The following TTLL9 variants were observed in gnomAD, a reference collection of about 807,000 sequenced individuals.
The protein encoded by TTLL9 is tubulin tyrosine ligase like 9.
Under a neutral mutation model 65.6 loss-of-function variants are expected in TTLL9, and 47 were observed. The observed-to-expected ratio is 0.72, with a 90% CI of 0.57 to 0.91. TTLL9 has a LOEUF of 0.91. Among genes scored for constraint, TTLL9 ranks in the 40% least tolerant of loss-of-function variants. TTLL9 has a pLI of 0.00. For missense variants in TTLL9, 537 were observed against 568.8 expected, an observed-to-expected ratio of 0.94 and a Z score of 0.57; for synonymous variants, 179 against 204.8, an observed-to-expected ratio of 0.87 and a Z score of 1.07.
Position 31,872,620 on chromosome 20 carries a change from G to A in TTLL9, c.69+1425G>A, listed in dbSNP as rs1281984922. 2.0e-5 allele frequency among the ~76,000 whole-genome samples: 3 copies of A among 152,176 alleles called. No homozygotes were observed. In the East Asian group the frequency reaches 5.8e-4, roughly 29 times the overall value. On this transcript the variant is annotated intron_variant, in intron 2 of 14. Transcript: ENST00000535842. Reference sequence around the variant, plus strand: ...GGAGGAGGATCACTTGAGCCCAGGCGGTGGAGGCTGCAGTGAGCCATGAGC... The same window carrying A: ...GGAGGAGGATCACTTGAGCCCAGGCAGTGGAGGCTGCAGTGAGCCATGAGC...
chr20:31,893,978 A>G (rs905811396), intron 3 of TTLL9, among the ~76,000 whole-genome samples: 6 of 152,038 alleles, frequency 3.9e-5, no homozygotes, highest in Non-Finnish European at 5.9e-5. Context: ...AACAATTTCA[A>G]TTAGACTGTT....
At chr20:31,926,260 C>G (rs1369840192) in intron 10 of TTLL9, among the ~76,000 whole-genome samples, 169 bp downstream of exon 10, 2 of 152,228 alleles carry the variant, frequency 1.3e-5, no homozygotes, top group Non-Finnish European at 2.9e-5. Flanking sequence ...TAGGGTCGGA[C>G]AGTTTTAGCC....
At chr20:31,901,704 C>A (rs1600559031) in intron 4 of TTLL9, among the ~76,000 whole-genome samples, 1 of 152,180 alleles carries the variant, frequency 6.6e-6, no homozygotes, top group East Asian at 1.9e-4. Flanking sequence ...AGTGCTAGAA[C>A]CTTCCCCATT....
chr20:31,885,363 A>G (rs1480622772), intron 2 of TTLL9, among the ~76,000 whole-genome samples: 4 of 151,920 alleles, frequency 2.6e-5, no homozygotes, highest in Non-Finnish European at 5.9e-5. Context: ...AACAAAACAC[A>G]GTCTCGAGAT....
chr20:31,877,965 C>G (rs1162396147), intron 2 of TTLL9, among the ~76,000 whole-genome samples: 1 of 152,072 alleles, frequency 6.6e-6, no homozygotes, highest in Admixed American at 6.6e-5. Context: ...AGAATATAAA[C>G]TCTATTAGGG....
At chr20:31,879,858 G>A (rs899196445) in intron 2 of TTLL9, 14 of 1,550,264 alleles carry the variant, frequency 9.0e-6, no homozygotes, top group Non-Finnish European at 1.2e-5. Flanking sequence ...TGGCGGTTTG[G>A]ATCTGGCCCC....
At chr20:31,875,842 C>G (rs6142573) in intron 2 of TTLL9, among the ~76,000 whole-genome samples, 1 of 152,126 alleles carries the variant, frequency 6.6e-6, no homozygotes, top group African/African-American at 2.4e-5. Flanking sequence ...TCCCCACTTC[C>G]TTCACTCTCT....
intron 6 of TTLL9, among the ~76,000 whole-genome samples, chr20:31,918,706 T>C (rs1471987439): frequency 6.6e-6 from 1 of 152,230 alleles, no homozygotes; most frequent in Non-Finnish European, 1.5e-5. Context: ...ACACTGGTAA[T>C]CTTCTTTCGT....
chr20:31,904,714 C>T (rs2063526654), intron 4 of TTLL9, among the ~76,000 whole-genome samples: 1 of 152,100 alleles, frequency 6.6e-6, no homozygotes, highest in African/African-American at 2.4e-5. Context: ...AAAATGGTTA[C>T]TCTCTGTCAT....
intron 3 of TTLL9, among the ~76,000 whole-genome samples, chr20:31,897,098 T>C (rs1295946943): frequency 6.6e-6 from 1 of 152,172 alleles, no homozygotes. Context: ...TTGTGTAGGA[T>C]TGGTGTTAAT....
chr20:31,922,767 G>C (rs139503728), intron 7 of TTLL9, among the ~76,000 whole-genome samples, 196 bp from the exon 8 acceptor site: 1 of 152,322 alleles, frequency 6.6e-6, no homozygotes, highest in African/African-American at 2.4e-5. Context: ...CTAACTGGCT[G>C]TGTGACCTTG....
chr20:31,934,742 C>T lies in TTLL9; in HGVS notation c.858C>T (p.His286=), dbSNP rs148917180. ...QRFRQYLASK[H]GPEAVETLFR... ...TCCGGCAGTACCTGGCGTCCAAACA[C>T]GGGCCCGAGGCAGTGGAGACACTCT... The change falls in exon 12 of 15, where the codon CAC becomes CAT. Residue 286 remains histidine (H), a synonymous_variant. Transcript: ENST00000535842. 3.4e-3 allele frequency: 5,499 copies of T among 1,612,706 alleles called. 13 individuals are homozygous for T. Among genetic ancestry groups the T allele is most frequent in the Middle Eastern group, 5.1e-3 (25 of 4,946 alleles).
rs548404457 is a variant in TTLL9, at chr20:31,933,788, A to C, written c.749-12A>C. The C allele has an allele frequency of 2.5e-6, 4 of 1,613,298 alleles. No homozygotes were observed. The African/African-American group carries it at 5.3e-5, about 22-fold the overall frequency. ...TTGTTCACGCTGACCCTTGACCACC[A>C]CCCTCTCCCAGATGTTCACCTCACC... On this transcript the variant is annotated splice_polypyrimidine_tract_variant and intron_variant, in intron 10 of 14. Transcript: ENST00000535842.
rs149480095 is a variant in TTLL9 at position 31,906,831 on chromosome 20, G to C, written c.207-1760G>C. 3.2e-4 allele frequency among the ~76,000 whole-genome samples: 48 copies of C among 152,056 alleles called. 1 individual carries two copies. In the East Asian group the frequency reaches 9.3e-3, roughly 29 times the overall value. ...TCCTGGCTAATTTTTTGTGTTTTTG[G>C]TAGAAATGGGGTTTCACCATGTTGG... On this transcript the variant is annotated intron_variant, in intron 4 of 14. Transcript: ENST00000535842.
intron 7 of TTLL9, among the ~76,000 whole-genome samples, chr20:31,921,741 C>T (rs1476354380): frequency 6.6e-6 from 1 of 151,946 alleles, no homozygotes; most frequent in African/African-American, 2.4e-5. Flanking sequence ...CCAAATACCG[C>T]ATGTTCTCAC....
intron 6 of TTLL9, 22 bp downstream of exon 6, chr20:31,909,944 CTGGG>C: frequency 6.7e-6 from 5 of 745,952 alleles, no homozygotes; most frequent in Non-Finnish European, 6.8e-6. Context: ...GTGCCAGGGG[CTGGG>C]TGGGAGGGAA....
At chr20:31,903,575 C>T (rs1396962798) in intron 4 of TTLL9, among the ~76,000 whole-genome samples, 1 of 152,100 alleles carries the variant, frequency 6.6e-6, no homozygotes, top group Middle Eastern at 3.2e-3. Flanking sequence ...AGATTTACTC[C>T]TATGTCTTCT....
rs77453711 is a variant in TTLL9 at position 31,901,880 on chromosome 20, T to C, written c.206+3315T>C. Among the ~76,000 whole-genome samples the C allele has an allele frequency of 3.7e-4, 57 of 152,316 alleles. No individual in the cohort carries two copies. In the East Asian group the frequency reaches 0.01, roughly 28 times the overall value. ...TCTTTATTATAGAGTTGTTTCCTTG[T>C]TTATTGTTAATCTTCCCCACAAGAC... On this transcript the variant is annotated intron_variant, in intron 4 of 14. Transcript: ENST00000535842.
chr20:31,912,326 CT>C (rs1010266526), intron 6 of TTLL9, among the ~76,000 whole-genome samples: 23 of 152,118 alleles, frequency 1.5e-4, no homozygotes, highest in Non-Finnish European at 8.8e-5. Flanking sequence ...TGGGTGGGGC[CT>C]GGGAACCTGC....
Sources: gnomAD v4.1 joint callset for allele counts (sites outside exome capture counted in the v4.1 genomes callset) on GRCh38, gnomAD v4.1.1 for gene constraint, MANE v1.5 for transcripts, NCBI Gene and HGNC (gene_info 2026-07-23, HGNC 2026-07-21) for gene names.